The following CNTNAP5 variants were observed in gnomAD, a reference collection of about 807,000 sequenced individuals.
The protein encoded by CNTNAP5 is contactin-associated protein-like 5.
A neutral mutation model predicts 150.2 loss-of-function variants in CNTNAP5; 72 were observed. That is an observed-to-expected ratio of 0.48 (90% CI 0.40 to 0.58). CNTNAP5 has a LOEUF of 0.58. CNTNAP5 is among the 20% of genes least tolerant of loss of function. The pLI is 0.00. For missense variants in CNTNAP5, 1,636 were observed against 1,626.2 expected, an observed-to-expected ratio of 1.01 and a Z score of -0.10; for synonymous variants, 672 against 619.8, an observed-to-expected ratio of 1.08 and a Z score of -1.25.
chr2:124,465,371 C>T (rs113404856), intron 6 of CNTNAP5, among the ~76,000 whole-genome samples: 6 of 145,620 alleles, frequency 4.1e-5, no homozygotes, highest in African/African-American at 1.6e-4. Context: ...CCACTAAGAT[C>T]AATGAAAGGC....
At chr2:124,600,449 T>A (rs1696959399) in intron 11 of CNTNAP5, among the ~76,000 whole-genome samples, 1 of 52,780 alleles carries the variant, frequency 1.9e-5, no homozygotes, top group Non-Finnish European at 4.8e-5. Flanking sequence ...TATCAGTAGA[T>A]GAGCAATGAT....
At chr2:124,195,558 C>T (rs1012904164) in intron 1 of CNTNAP5, among the ~76,000 whole-genome samples, 3 of 152,136 alleles carry the variant, frequency 2.0e-5, no homozygotes, top group African/African-American at 7.2e-5. Context: ...GGTTTGGCCC[C>T]TACTGTAGTT....
intron 11 of CNTNAP5, among the ~76,000 whole-genome samples, chr2:124,568,120 G>C (rs938030553): frequency 1.3e-5 from 2 of 152,136 alleles, no homozygotes; most frequent in African/African-American, 4.8e-5. Context: ...GCAAACCTCT[G>C]TATTACAAAC....
At chr2:124,269,145 C>A (rs750599608) in intron 3 of CNTNAP5, among the ~76,000 whole-genome samples, 1 of 152,058 alleles carries the variant, frequency 6.6e-6, no homozygotes, top group South Asian at 2.1e-4. Flanking sequence ...GATCATGGGA[C>A]TCCAAGCTGA....
rs544556741 is a variant in CNTNAP5 at position 124,656,033 on chromosome 2, C to A, written c.2077+8075C>A. On this transcript the variant is annotated intron_variant, in intron 13 of 23. Coordinates refer to ENST00000682447, the MANE Select transcript of CNTNAP5 (RefSeq NM_001367498.1). ...AAGGAAGGAAGGAAGGGAGGGCACA[C>A]CTTGGTGACAGAATAAGACTTTATC... Among the ~76,000 whole-genome samples, 312 of 144,516 alleles carry A rather than the reference C, an allele frequency of 2.2e-3. 1 individual carries two copies. The highest frequency in any genetic ancestry group is 7.5e-3 in the African/African-American group (292 of 39,064). The allele number at this position is 144,516 out of a possible 152,430, so 94.8% of individuals were successfully genotyped here. A position where few individuals can be genotyped will look rare whatever the true frequency, so the allele number is the denominator to read the frequency against.
At position 124,242,382 on chromosome 2, in the gene CNTNAP5, G is replaced by T. The variant is rs778561420; in HGVS notation, c.370G>T (p.Asp124Tyr). The T allele has an allele frequency of 6.2e-7, 1 of 1,612,756 alleles. No homozygotes were observed. Residue 124 changes from aspartate (D) to tyrosine (Y), a missense_variant, in exon 3 of 24, where the codon GAC (aspartate) becomes TAC (tyrosine). Coordinates refer to ENST00000682447, the MANE Select transcript of CNTNAP5 (RefSeq NM_001367498.1). ...GRNWKQYKQE[D>Y]SIWTFAGNMN... is the part of the protein sequence containing the mutation. The stretch of plus-strand genomic sequence containing the variant: ...CAACTGGAAACAGTACAAACAAGAA[G>T]ACAGCATCTGGGTAGGACATCTTTT...
At chr2:124,750,321 C>A (rs1244912608) in intron 14 of CNTNAP5, among the ~76,000 whole-genome samples, 3 of 152,136 alleles carry the variant, frequency 2.0e-5, no homozygotes, top group Non-Finnish European at 2.9e-5. Context: ...AGCACGTTGA[C>A]CATCTTTGGG....
At chr2:124,110,745 C>A (rs901391458) in intron 1 of CNTNAP5, among the ~76,000 whole-genome samples, 2 of 152,152 alleles carry the variant, frequency 1.3e-5, no homozygotes, top group Admixed American at 1.3e-4. Flanking sequence ...AAAGGCAGGT[C>A]TATGTGACCC....
At chr2:124,215,311 T>C (rs1441408644) in intron 1 of CNTNAP5, among the ~76,000 whole-genome samples, 1 of 152,168 alleles carries the variant, frequency 6.6e-6, no homozygotes, top group African/African-American at 2.4e-5. Context: ...GTAACTCTAT[T>C]GGTATTTTAA....
chr2:124,459,530 C>G (rs188632285), intron 6 of CNTNAP5, among the ~76,000 whole-genome samples: 1 of 152,178 alleles, frequency 6.6e-6, no homozygotes, highest in East Asian at 1.9e-4. Context: ...AGGTGGATCA[C>G]CTGAGGTCAG....
chr2:124,225,876 T>C (rs146846657), intron 2 of CNTNAP5, among the ~76,000 whole-genome samples: 80 of 152,312 alleles, frequency 5.3e-4, no homozygotes, highest in African/African-American at 1.8e-3. Flanking sequence ...ATGCAGTATT[T>C]GTCTTTCTGT....
intron 1 of CNTNAP5, among the ~76,000 whole-genome samples, chr2:124,083,410 T>A (rs1682604565): frequency 6.6e-6 from 1 of 152,172 alleles, no homozygotes; most frequent in Non-Finnish European, 1.5e-5. Flanking sequence ...CTGTAACTTG[T>A]TTTTCATTCC....
At chr2:124,713,267 TTC>T (rs1216269333) in intron 13 of CNTNAP5, among the ~76,000 whole-genome samples, 1 of 125,202 alleles carries the variant, frequency 8.0e-6, no homozygotes, top group South Asian at 3.2e-4. Flanking sequence ...CTTTCTTTCT[TTC>T]TTTCTTTCTT....
intron 13 of CNTNAP5, among the ~76,000 whole-genome samples, chr2:124,723,977 T>G: frequency 6.6e-6 from 1 of 151,908 alleles, no homozygotes; most frequent in African/African-American, 2.4e-5. Context: ...AAATCCCATC[T>G]CTGTTAAAAA....
At chr2:124,107,924 T>C (rs1337891378) in intron 1 of CNTNAP5, among the ~76,000 whole-genome samples, 1 of 152,200 alleles carries the variant, frequency 6.6e-6, no homozygotes, top group Non-Finnish European at 1.5e-5. Context: ...CTTGTAGTGG[T>C]TGGGGACTTC....
intron 4 of CNTNAP5, among the ~76,000 whole-genome samples, chr2:124,420,033 C>A (rs540304715): frequency 1.4e-3 from 187 of 137,746 alleles, no homozygotes; most frequent in Non-Finnish European, 2.4e-3. Flanking sequence ...GCTCTCTTGC[C>A]CAGGCTGGAG....
intron 3 of CNTNAP5, among the ~76,000 whole-genome samples, chr2:124,343,380 T>C (rs1425757392): frequency 6.6e-6 from 1 of 152,198 alleles, no homozygotes; most frequent in East Asian, 1.9e-4. Flanking sequence ...ATTTAACATA[T>C]TGGATAAGCC....
intron 6 of CNTNAP5, among the ~76,000 whole-genome samples, chr2:124,451,049 A>ATATATATATATAT (rs1220088749): frequency 1.4e-5 from 1 of 73,720 alleles, no homozygotes; most frequent in African/African-American, 5.6e-5. Flanking sequence ...AAAAAAAAAA[A>ATATATATATATAT]AAATATATAT....
At chr2:124,351,364 C>G (rs1689871052) in intron 3 of CNTNAP5, among the ~76,000 whole-genome samples, 1 of 152,248 alleles carries the variant, frequency 6.6e-6, no homozygotes, top group African/African-American at 2.4e-5. Context: ...GACTATACAT[C>G]CTGGCTCCAC....
Sources: gnomAD v4.1 joint callset for allele counts (sites outside exome capture counted in the v4.1 genomes callset) on GRCh38, gnomAD v4.1.1 for gene constraint, MANE v1.5 for transcripts, NCBI Gene and HGNC (gene_info 2026-07-23, HGNC 2026-07-21) for gene names.